The following FDFT1 variants were observed in gnomAD, a reference collection of about 807,000 sequenced individuals.
FDFT1 encodes the protein squalene synthase.
FDFT1 carries 68 observed loss-of-function variants against 46.8 expected under a neutral mutation model. The ratio of observed to expected loss-of-function variants is 1.45; its 90% CI spans 1.19 to 1.78. The LOEUF is 1.78. Ranked by LOEUF, FDFT1 falls within the 40% of genes most tolerant of loss-of-function variation. The pLI is 0.00. For missense variants in FDFT1, 928 were observed against 524.4 expected, an observed-to-expected ratio of 1.77 and a Z score of -7.52; for synonymous variants, 351 against 185.1, an observed-to-expected ratio of 1.90 and a Z score of -7.28.
At chr8:11,800,405 A>T (rs568081962), upstream of FDFT1, among the ~76,000 whole-genome samples, 4 of 151,864 alleles carry the variant, frequency 2.6e-5, no homozygotes, top group African/African-American at 9.7e-5. Context: ...AGGGTCATTT[A>T]TAACCTGACT....
At chr8:11,814,016 C>T (rs959200495) in intron 3 of FDFT1, among the ~76,000 whole-genome samples, 3 of 152,116 alleles carry the variant, frequency 2.0e-5, no homozygotes, top group African/African-American at 4.8e-5. Flanking sequence ...AATAAAAAGT[C>T]GTTGGAAGGA....
intron 5 of FDFT1, among the ~76,000 whole-genome samples, chr8:11,829,638 T>C (rs571055141): frequency 6.6e-6 from 1 of 152,324 alleles, no homozygotes; most frequent in East Asian, 1.9e-4. Context: ...GGAGCCTCTT[T>C]AGCCTGAATT....
In FDFT1 at chr8:11,808,747, C is replaced by CCCA. The variant is rs1242668210; in HGVS notation, c.100-46_100-45insCAC. 4.0e-5 allele frequency: 64 copies of CCCA among 1,597,798 alleles called. No homozygotes were observed. In the East Asian group the frequency reaches 7.9e-4, roughly 20 times the overall value. On this transcript the variant is annotated intron_variant, in intron 1 of 7. Coordinates refer to ENST00000220584, the MANE Select transcript of FDFT1 (RefSeq NM_004462.5). ...TCCCACTCCCACTCCCACTCCCACT[C>CCCA]CTGCTCCTCGACGTCTCCCACCGCC...
chr8:11,834,957 C>G (rs946461731), intron 7 of FDFT1, among the ~76,000 whole-genome samples: 1 of 152,160 alleles, frequency 6.6e-6, no homozygotes, highest in Non-Finnish European at 1.5e-5. Context: ...AACCCTGTCT[C>G]TACTAAAAAT....
In FDFT1 at chr8:11,808,752, TC is replaced by T. The variant is rs1417273945; in HGVS notation, c.100-40del. 7 of 1,603,136 alleles carry T rather than the reference TC, an allele frequency of 4.4e-6. No individual in the cohort carries two copies. In the South Asian group the frequency reaches 6.7e-5, roughly 15 times the overall value. On this transcript the variant is annotated intron_variant, in intron 1 of 7. Transcript: ENST00000220584. Reference sequence around the variant, plus strand: ...CTCCCACTCCCACTCCCACTCCTGCTCCTCGACGTCTCCCACCGCCGTGTGT... The same window carrying T: ...CTCCCACTCCCACTCCCACTCCTGCTCTCGACGTCTCCCACCGCCGTGTGT...
Position 11,838,914 on chromosome 8 carries a change from A to C in FDFT1, c.*305A>C, listed in dbSNP as rs79603120. 920 of 368,100 alleles carry C rather than the reference A, an allele frequency of 2.5e-3. 30 individuals carry two copies. In the East Asian group the frequency reaches 0.053, roughly 21 times the overall value. 22.8% of individuals were successfully genotyped at this position (368,100 alleles called of 1,614,324 possible). ...GCATATGTGACTGTCATGAGATCCT[A>C]CTTAGTATGATCCTGGCTAGAATGA... On this transcript the variant is annotated 3_prime_UTR_variant, in exon 8 of 8. Coordinates refer to ENST00000220584, the MANE Select transcript of FDFT1 (RefSeq NM_004462.5).
intron 1 of FDFT1, chr8:11,808,420 T>G: frequency 8.0e-7 from 1 of 1,254,890 alleles, no homozygotes; most frequent in Non-Finnish European, 1.0e-6. Context: ...GCCCAGCGCG[T>G]ATTCGAGTAG....
chr8:11,822,494 A>G (rs539783011), intron 4 of FDFT1, among the ~76,000 whole-genome samples: 49 of 152,310 alleles, frequency 3.2e-4, no homozygotes, highest in Middle Eastern at 3.4e-3. Flanking sequence ...ACAGCATACA[A>G]TGACTGCTAG....
intron 5 of FDFT1, 71 bp downstream of exon 5, chr8:11,826,286 G>C (rs1809976305): frequency 5.6e-6 from 7 of 1,247,576 alleles, no homozygotes; most frequent in Non-Finnish European, 6.6e-6. Context: ...AACTCTTGTG[G>C]TTGCGGGTGA....
In FDFT1 at chr8:11,838,677, T is replaced by C; in HGVS notation, c.*68T>C. On this transcript the variant is annotated 3_prime_UTR_variant, in exon 8 of 8. Transcript: ENST00000220584. ...TACTTTTTTTCTTTAAGGATGGATG[T>C]TGTGTTCTCTTTATTTTTTTCCTAC... 1 of 1,195,150 alleles carries C rather than the reference T, an allele frequency of 8.4e-7. No homozygotes were observed. The allele number at this position is 1,195,150 out of a possible 1,614,324, so 74.0% of individuals were successfully genotyped here. A position where few individuals can be genotyped will look rare whatever the true frequency, so the allele number is the denominator to read the frequency against.
chr8:11,806,238 T>C (rs1344792589), intron 1 of FDFT1, among the ~76,000 whole-genome samples: 1 of 151,958 alleles, frequency 6.6e-6, no homozygotes, highest in Non-Finnish European at 1.5e-5. Flanking sequence ...CTTTTGGGAG[T>C]GTGCTGAATC....
At chr8:11,808,209 G>A in intron 1 of FDFT1, 3 of 1,121,444 alleles carry the variant, frequency 2.7e-6, no homozygotes, top group Non-Finnish European at 3.3e-6. Context: ...TTGGGAAGAG[G>A]ATTTCAGCGG....
chr8:11,816,902 G>T (rs1446617101), intron 3 of FDFT1, among the ~76,000 whole-genome samples: 2 of 152,134 alleles, frequency 1.3e-5, no homozygotes, highest in Non-Finnish European at 2.9e-5. Context: ...TACCAATACT[G>T]TGTTGAATAG....
intron 5 of FDFT1, among the ~76,000 whole-genome samples, chr8:11,828,035 C>T (rs112800470): frequency 6.9e-4 from 105 of 152,206 alleles, no homozygotes; most frequent in African/African-American, 2.3e-3. Context: ...AACTCCGTCT[C>T]TACTAAAATT....
At chr8:11,818,529 A>C (rs932750277) in intron 3 of FDFT1, among the ~76,000 whole-genome samples, 1 of 152,182 alleles carries the variant, frequency 6.6e-6, no homozygotes, top group African/African-American at 2.4e-5. Context: ...GACTTGCTTT[A>C]TGAATCTGGG....
At chr8:11,809,529 A>G in intron 2 of FDFT1, 138 bp from the exon 3 acceptor site, 1 of 1,307,554 alleles carries the variant, frequency 7.6e-7, no homozygotes, top group South Asian at 1.9e-5. Flanking sequence ...GTTAAGTATG[A>G]AAAGCGTTGG....
At chr8:11,799,090 T>C (rs1057370557), upstream of FDFT1, among the ~76,000 whole-genome samples, 6 of 152,218 alleles carry the variant, frequency 3.9e-5, no homozygotes, top group African/African-American at 1.2e-4. Context: ...GTATGTAATA[T>C]ATGACCCATA....
chr8:11,809,965 A>G (rs1002013706), intron 3 of FDFT1, 115 bp downstream of exon 3: 9 of 789,530 alleles, frequency 1.1e-5, no homozygotes, highest in Non-Finnish European at 1.6e-5. Flanking sequence ...TGAGGGCAGC[A>G]TAATGTGAGG....
At chr8:11,817,326 T>C (rs1196456007) in intron 3 of FDFT1, among the ~76,000 whole-genome samples, 1 of 152,238 alleles carries the variant, frequency 6.6e-6, no homozygotes. Context: ...TGGCCTAAAA[T>C]TCTCTTTTTT....
Sources: gnomAD v4.1 joint callset for allele counts (sites outside exome capture counted in the v4.1 genomes callset) on GRCh38, gnomAD v4.1.1 for gene constraint, MANE v1.5 for transcripts, NCBI Gene and HGNC (gene_info 2026-07-23, HGNC 2026-07-21) for gene names.